Variants in MALRD1 observed in about 807,000 individuals in gnomAD.
MALRD1 encodes the protein MAM and LDL-receptor class A domain-containing protein 1.
Under a neutral mutation model 242.1 loss-of-function variants are expected in MALRD1, and 247 were observed. That is an observed-to-expected ratio of 1.02 (90% CI 0.92 to 1.13). The LOEUF is 1.13. MALRD1 is among the 50% of genes most tolerant of loss of function. The probability of loss-of-function intolerance (pLI) is 0.00; values close to 1 mark genes in which losing one functional copy is unlikely to be tolerated. For synonymous variants in MALRD1, 995 were observed against 866.6 expected, an observed-to-expected ratio of 1.15 and a Z score of -2.60; for missense variants, 2,989 against 2,533.1, an observed-to-expected ratio of 1.18 and a Z score of -3.86.
At chr10:19,145,121 T>C (rs1833684137) in intron 10 of MALRD1, among the ~76,000 whole-genome samples, 1 of 152,214 alleles carries the variant, frequency 6.6e-6, no homozygotes, top group Non-Finnish European at 1.5e-5. Flanking sequence ...AAAACGAAAT[T>C]TAAGCACATA....
intron 18 of MALRD1, among the ~76,000 whole-genome samples, chr10:19,210,460 C>A (rs1337719202): frequency 6.6e-6 from 1 of 152,118 alleles, no homozygotes; most frequent in African/African-American, 2.4e-5. Flanking sequence ...TATTTACTTT[C>A]CAGCATATCA....
At chr10:19,351,595 G>A (rs546046593) in intron 25 of MALRD1, among the ~76,000 whole-genome samples, 13 of 152,134 alleles carry the variant, frequency 8.5e-5, no homozygotes, top group Non-Finnish European at 1.5e-4. Context: ...TAAGTTTCAT[G>A]AGATTAAAAA....
At chr10:19,126,052 A>T (rs1271710652) in intron 7 of MALRD1, among the ~76,000 whole-genome samples, 1 of 147,626 alleles carries the variant, frequency 6.8e-6, no homozygotes, top group East Asian at 2.0e-4. Context: ...CAATTTTAGA[A>T]TTTTTTTTTT....
chr10:19,724,245 T>C (rs577054746), intron 38 of MALRD1, among the ~76,000 whole-genome samples: 4 of 152,084 alleles, frequency 2.6e-5, no homozygotes, highest in Non-Finnish European at 5.9e-5. Context: ...GACTTACTGG[T>C]AAATTGGCGG....
chr10:19,103,562 A>AT (rs1554789199), intron 4 of MALRD1, among the ~76,000 whole-genome samples: 42 of 142,660 alleles, frequency 2.9e-4, no homozygotes, highest in African/African-American at 1.0e-3. Context: ...AAAAAAAAAA[A>AT]AAATAAATAA....
intron 34 of MALRD1, among the ~76,000 whole-genome samples, chr10:19,603,031 G>A (rs1219425383): frequency 2.0e-5 from 3 of 152,042 alleles, no homozygotes; most frequent in Non-Finnish European, 4.4e-5. Flanking sequence ...TTGCCCACCT[G>A]TTGATGGGGT....
chr10:19,527,237 G>A (rs986831287), intron 31 of MALRD1, among the ~76,000 whole-genome samples: 4 of 152,130 alleles, frequency 2.6e-5, no homozygotes, highest in African/African-American at 9.7e-5. Flanking sequence ...TACTTCAGGA[G>A]CCTGTAAGTT....
At chr10:19,084,387 T>C (rs1564380589) in intron 2 of MALRD1, among the ~76,000 whole-genome samples, 1 of 151,956 alleles carries the variant, frequency 6.6e-6, no homozygotes, top group Non-Finnish European at 1.5e-5. Flanking sequence ...AAGCCTTGGA[T>C]CTTGTTTTGA....
intron 28 of MALRD1, among the ~76,000 whole-genome samples, chr10:19,396,680 A>G (rs906771409): frequency 1.3e-5 from 2 of 152,200 alleles, no homozygotes; most frequent in Non-Finnish European, 2.9e-5. Flanking sequence ...CTCAGGAGTC[A>G]GAGAGGTTAT....
intron 21 of MALRD1, among the ~76,000 whole-genome samples, chr10:19,292,458 G>T (rs796717505): frequency 2.0e-5 from 3 of 152,104 alleles, no homozygotes; most frequent in African/African-American, 7.2e-5. Flanking sequence ...AAAAGTAGAA[G>T]TACCCAGATT....
rs760137188 is a variant in MALRD1, at chr10:19,209,391, A to T, written c.2702A>T (p.Asp901Val). Residue 901 changes from aspartate to valine, a missense_variant, in exon 18 of 40, where the codon GAT becomes GTT. Coordinates refer to ENST00000454679, the MANE Select transcript of MALRD1 (RefSeq NM_001142308.3). ...ACACTTAACACAGGGCCAATGAAAGATAACACTCTGGGCACAGCTAAAGGA... is the reference window on the plus strand; with the variant it reads ...ACACTTAACACAGGGCCAATGAAAGTTAACACTCTGGGCACAGCTAAAGGA... ...TPTLNTGPMK[D>V]NTLGTAKGHY... is the part of the protein sequence containing the mutation. 12 of 1,551,078 alleles carry T rather than the reference A, an allele frequency of 7.7e-6. No homozygotes were observed. Among genetic ancestry groups the T allele is most frequent in the South Asian group, 2.4e-5 (2 of 84,064 alleles).
chr10:19,236,734 A>C (rs1477729805), intron 18 of MALRD1, among the ~76,000 whole-genome samples: 1 of 152,174 alleles, frequency 6.6e-6, no homozygotes, highest in East Asian at 1.9e-4. Context: ...AATACTTTAA[A>C]ATTTTATTTC....
In MALRD1 at chr10:19,440,814, G is replaced by A. The variant is rs375101485; in HGVS notation, c.4846-9493G>A. On this transcript the variant is annotated intron_variant, in intron 28 of 39. Coordinates refer to ENST00000454679, the MANE Select transcript of MALRD1 (RefSeq NM_001142308.3). Reference sequence around the variant, plus strand: ...TGCCGCAATAAACATACGTGTGCATGTGTCTTTATAGCAGCATGATTTATA... The same window carrying A: ...TGCCGCAATAAACATACGTGTGCATATGTCTTTATAGCAGCATGATTTATA... Among the ~76,000 whole-genome samples, 24 of 152,324 alleles carry A rather than the reference G, an allele frequency of 1.6e-4. No individual in the cohort carries two copies. The South Asian group carries it at 4.8e-3, about 30-fold the overall frequency.
chr10:19,637,186 A>G (rs928321411), intron 36 of MALRD1, among the ~76,000 whole-genome samples: 1 of 152,178 alleles, frequency 6.6e-6, no homozygotes, highest in African/African-American at 2.4e-5. Flanking sequence ...ACATATGTCA[A>G]CCTAACAAAT....
rs190841940 is a variant in MALRD1 at position 19,073,545 on chromosome 10, G to A, written c.340+6686G>A. On this transcript the variant is annotated intron_variant, in intron 2 of 39. Coordinates refer to ENST00000454679, the MANE Select transcript of MALRD1 (RefSeq NM_001142308.3). Reference sequence around the variant, plus strand: ...GGTTTCTGATGGTTTAATGTGCAGAGACTTTGTTTTATGCACAAAATTATT... The same window carrying A: ...GGTTTCTGATGGTTTAATGTGCAGAAACTTTGTTTTATGCACAAAATTATT... 4.5e-3 allele frequency among the ~76,000 whole-genome samples: 688 copies of A among 152,222 alleles called. 4 individuals carry two copies. Among genetic ancestry groups the A allele is most frequent in the Admixed American group, 7.2e-3 (110 of 15,270 alleles).
At chr10:19,554,091 A>C (rs1835609089) in intron 32 of MALRD1, among the ~76,000 whole-genome samples, 1 of 152,170 alleles carries the variant, frequency 6.6e-6, no homozygotes, top group Non-Finnish European at 1.5e-5. Context: ...AGATGTAATA[A>C]GTAGGTTGGG....
chr10:19,176,019 T>C (rs886475018), intron 14 of MALRD1, among the ~76,000 whole-genome samples: 4 of 152,128 alleles, frequency 2.6e-5, no homozygotes, highest in Non-Finnish European at 5.9e-5. Flanking sequence ...TTACTTTCTC[T>C]TTCTAGTACT....
At chr10:19,696,322 C>G (rs940657536) in intron 38 of MALRD1, among the ~76,000 whole-genome samples, 1 of 152,114 alleles carries the variant, frequency 6.6e-6, no homozygotes, top group Admixed American at 6.5e-5. Context: ...TAAGGGCTCA[C>G]TAAAAGATTT....
chr10:19,376,376 G>A (rs559035218), intron 26 of MALRD1, among the ~76,000 whole-genome samples: 79 of 152,096 alleles, frequency 5.2e-4, no homozygotes, highest in African/African-American at 1.7e-3. Context: ...CCAATTACAT[G>A]TGTAGGGGCA....
Sources: allele counts gnomAD v4.1 joint callset (sites outside exome capture counted in the v4.1 genomes callset), GRCh38; gene constraint gnomAD v4.1.1; transcripts MANE v1.5; gene names NCBI Gene and HGNC (gene_info 2026-07-23, HGNC 2026-07-21).